IFT43: variants seen among roughly 807,000 people sequenced by gnomAD.
The protein encoded by IFT43 is intraflagellar transport 43.
In IFT43, 33 loss-of-function variants were observed where a neutral mutation model predicts 32.3. That is an observed-to-expected ratio of 1.02 (90% CI 0.77 to 1.37). The LOEUF (loss-of-function observed/expected upper bound fraction) is 1.37, where lower values mean the gene tolerates loss of function less well. IFT43 is among the 40% of genes most tolerant of loss of function. The pLI, the probability that IFT43 is intolerant of heterozygous loss-of-function variation, is 0.00. For missense variants in IFT43, 274 were observed against 265.9 expected, an observed-to-expected ratio of 1.03 and a Z score of -0.21; for synonymous variants, 93 against 98.2, an observed-to-expected ratio of 0.95 and a Z score of 0.31.
chr14:76,042,109 C>G (rs1234594352), intron 3 of IFT43, among the ~76,000 whole-genome samples: 7 of 150,298 alleles, frequency 4.7e-5, no homozygotes, highest in African/African-American at 1.7e-4. Flanking sequence ...TGGACGAGGA[C>G]ACACACACAC....
chr14:76,064,211 T>G (rs2037190438), intron 5 of IFT43, among the ~76,000 whole-genome samples: 1 of 152,208 alleles, frequency 6.6e-6, no homozygotes, highest in Non-Finnish European at 1.5e-5. Flanking sequence ...CCACTAATAA[T>G]TGCCAATGAC....
intron 3 of IFT43, among the ~76,000 whole-genome samples, chr14:76,036,666 A>G (rs1594834660): frequency 6.6e-6 from 1 of 151,474 alleles, no homozygotes; most frequent in Non-Finnish European, 1.5e-5. Context: ...CGGCCTCCCA[A>G]AGTGCTGGGA....
chr14:75,988,832 G>A (rs1236505100), intron 1 of IFT43, 53 bp from the exon 2 acceptor site: 1 of 1,612,170 alleles, frequency 6.2e-7, no homozygotes, highest in East Asian at 2.2e-5. Context: ...TGTCATCTCA[G>A]TAGTGGCCCA....
chr14:76,063,724 T>G (rs1009560097), intron 5 of IFT43, among the ~76,000 whole-genome samples: 1 of 152,206 alleles, frequency 6.6e-6, no homozygotes, highest in African/African-American at 2.4e-5. Context: ...AAAGCCTTTT[T>G]TTGGAACACC....
chr14:76,066,639 G>A (rs1196849366), intron 5 of IFT43, among the ~76,000 whole-genome samples: 1 of 152,194 alleles, frequency 6.6e-6, no homozygotes, highest in Non-Finnish European at 1.5e-5. Context: ...ATCCATGGAC[G>A]TCCATTCAGC....
chr14:76,074,825 G>A (rs1295348435), intron 5 of IFT43, among the ~76,000 whole-genome samples: 3 of 152,194 alleles, frequency 2.0e-5, no homozygotes, highest in African/African-American at 7.2e-5. Flanking sequence ...GATCACAACT[G>A]TGCTGAGGCC....
chr14:75,990,207 A>G (rs1236257441), intron 2 of IFT43, among the ~76,000 whole-genome samples: 5 of 152,250 alleles, frequency 3.3e-5, no homozygotes, highest in Non-Finnish European at 4.4e-5. Flanking sequence ...ATACAGGCCC[A>G]GTATTGCCAG....
At chr14:76,058,703 G>T in intron 4 of IFT43, 29 bp downstream of exon 4, 1 of 1,610,778 alleles carries the variant, frequency 6.2e-7, no homozygotes, top group Admixed American at 1.7e-5. Flanking sequence ...TATTCTTATG[G>T]TATCCTATGT....
intron 5 of IFT43, among the ~76,000 whole-genome samples, chr14:76,068,972 A>G (rs1429981002): frequency 2.0e-5 from 3 of 152,228 alleles, no homozygotes; most frequent in Non-Finnish European, 2.9e-5. Context: ...AAAATAAGTA[A>G]GGACAAACTG....
chr14:76,039,766 C>T (rs940162677), intron 3 of IFT43, among the ~76,000 whole-genome samples: 5 of 152,298 alleles, frequency 3.3e-5, no homozygotes, highest in African/African-American at 9.6e-5. Flanking sequence ...CACCCAGTTT[C>T]CTCTCCTGGA....
rs759483231 is a variant in IFT43 at position 75,988,865 on chromosome 14, C to T, written c.55-20C>T. The T allele has an allele frequency of 1.9e-6, 3 of 1,613,620 alleles. No homozygotes were observed. Among genetic ancestry groups the T allele is most frequent in the Non-Finnish European group, 2.5e-6 (3 of 1,179,938 alleles). The stretch of plus-strand genomic sequence containing the variant: ...CCAAATGACATTTGGGTCAGCAGTG[C>T]CTTCTGTTTCTCCTTACAGAGGGCC... On this transcript the variant is annotated intron_variant, in intron 1 of 8. Transcript: ENST00000314067.
intron 3 of IFT43, among the ~76,000 whole-genome samples, chr14:76,025,283 A>G (rs538052135): frequency 1.6e-4 from 25 of 152,282 alleles, no homozygotes; most frequent in African/African-American, 6.0e-4. Flanking sequence ...CAGAGATGAT[A>G]CAAACAAATG....
intron 7 of IFT43, among the ~76,000 whole-genome samples, chr14:76,083,006 C>G (rs2037540860): frequency 6.6e-6 from 1 of 152,172 alleles, no homozygotes; most frequent in Non-Finnish European, 1.5e-5. Context: ...CTGGTATGGT[C>G]CTTTGCCCCA....
At chr14:76,074,541 C>G (rs896741346) in intron 5 of IFT43, among the ~76,000 whole-genome samples, 6 of 152,204 alleles carry the variant, frequency 3.9e-5, no homozygotes, top group Non-Finnish European at 8.8e-5. Context: ...ATAGAGAGTC[C>G]TCTCAGGGCA....
At chr14:76,067,538 C>T (rs1308240647) in intron 5 of IFT43, among the ~76,000 whole-genome samples, 4 of 151,104 alleles carry the variant, frequency 2.6e-5, no homozygotes, top group African/African-American at 9.8e-5. Context: ...CTACCGCACT[C>T]ACCACTGCAC....
intron 5 of IFT43, among the ~76,000 whole-genome samples, chr14:76,065,348 T>G (rs1251300009): frequency 6.6e-6 from 1 of 152,188 alleles, no homozygotes; most frequent in Non-Finnish European, 1.5e-5. Context: ...AAAATCAACT[T>G]TACTAAGGCC....
intron 2 of IFT43, among the ~76,000 whole-genome samples, chr14:76,016,354 C>T (rs904685264): frequency 3.3e-5 from 5 of 152,082 alleles, no homozygotes; most frequent in Non-Finnish European, 7.4e-5. Context: ...TTTCAAAAAT[C>T]GTTTGGCTAG....
At chr14:76,038,566 T>C (rs1307738135) in intron 3 of IFT43, among the ~76,000 whole-genome samples, 1 of 152,148 alleles carries the variant, frequency 6.6e-6, no homozygotes, top group Non-Finnish European at 1.5e-5. Context: ...CTAGATAAGT[T>C]TTTATTTTCA....
chr14:76,065,464 C>A (rs1211551874), intron 5 of IFT43, among the ~76,000 whole-genome samples: 2 of 152,218 alleles, frequency 1.3e-5, no homozygotes, highest in Non-Finnish European at 2.9e-5. Flanking sequence ...ATTCCCATCA[C>A]CCAGAAGTTC....
Sources: allele counts gnomAD v4.1 joint callset (sites outside exome capture counted in the v4.1 genomes callset), GRCh38; gene constraint gnomAD v4.1.1; transcripts MANE v1.5; gene names NCBI Gene and HGNC (gene_info 2026-07-23, HGNC 2026-07-21).